CCR3: variants seen among roughly 807,000 people sequenced by gnomAD.
CCR3 encodes C-C chemokine receptor type 3.
For synonymous variants in CCR3, 203 were observed against 179.2 expected, an observed-to-expected ratio of 1.13 and a Z score of -1.06; for missense variants, 419 against 437.5, an observed-to-expected ratio of 0.96 and a Z score of 0.38.
intron 2 of CCR3, among the ~76,000 whole-genome samples, chr3:46,218,773 C>T (rs1699803170): frequency 6.6e-6 from 1 of 152,034 alleles, no homozygotes; most frequent in Non-Finnish European, 1.5e-5. Context: ...TGACAAAATC[C>T]AGTTTCCATT....
At chr3:46,219,283 T>C (rs569001326) in intron 2 of CCR3, among the ~76,000 whole-genome samples, 1 of 151,992 alleles carries the variant, frequency 6.6e-6, no homozygotes, top group East Asian at 1.9e-4. Context: ...ATCAAAGAGG[T>C]GAAAGATCTC....
intron 2 of CCR3, among the ~76,000 whole-genome samples, chr3:46,222,235 C>G (rs994674800): frequency 6.6e-6 from 1 of 152,148 alleles, no homozygotes; most frequent in East Asian, 1.9e-4. Context: ...TATGGCACAC[C>G]TAGGGCATTC....
intron 2 of CCR3, among the ~76,000 whole-genome samples, chr3:46,216,035 G>A (rs1047712857): frequency 6.6e-6 from 1 of 152,300 alleles, no homozygotes; most frequent in Non-Finnish European, 1.5e-5. Flanking sequence ...CCTGCCTATT[G>A]CTGATGGGAG....
At chr3:46,256,122 C>CT (rs1491342352) in intron 1 of CCR3, among the ~76,000 whole-genome samples, 1 of 151,896 alleles carries the variant, frequency 6.6e-6, no homozygotes, top group Non-Finnish European at 1.5e-5. Context: ...GTATTTTGAA[C>CT]TTTTTTTGTG....
At chr3:46,223,172 T>G (rs576215553) in intron 2 of CCR3, among the ~76,000 whole-genome samples, 2 of 152,192 alleles carry the variant, frequency 1.3e-5, no homozygotes, top group South Asian at 4.2e-4. Context: ...GCCAATGTGG[T>G]GAAACCCTGT....
At chr3:46,264,783 TA>T (rs771147657) in intron 1 of CCR3, 6 of 372,290 alleles carry the variant, frequency 1.6e-5, no homozygotes, top group Non-Finnish European at 2.9e-5. Flanking sequence ...CAAAATGCCG[TA>T]AGAGACAGTA....
intron 1 of CCR3, among the ~76,000 whole-genome samples, chr3:46,251,384 C>T (rs895162432): frequency 1.8e-4 from 28 of 151,718 alleles, no homozygotes; most frequent in Non-Finnish European, 2.4e-4. Flanking sequence ...TGAAGTGTGG[C>T]GCCAAGATTG....
intron 2 of CCR3, among the ~76,000 whole-genome samples, chr3:46,231,178 C>G (rs575535474): frequency 6.6e-6 from 1 of 152,322 alleles, no homozygotes; most frequent in South Asian, 2.1e-4. Context: ...CCTCCTTGGC[C>G]TCCCAGAGTG....
intron 2 of CCR3, among the ~76,000 whole-genome samples, chr3:46,236,932 G>A (rs1459759948): frequency 1.3e-5 from 2 of 152,212 alleles, no homozygotes; most frequent in Non-Finnish European, 2.9e-5. Context: ...GAGAAAGGAG[G>A]CAGCTGCCTC....
intron 1 of CCR3, among the ~76,000 whole-genome samples, chr3:46,246,280 C>T (rs1181947623): frequency 2.6e-5 from 4 of 152,170 alleles, no homozygotes; most frequent in East Asian, 1.9e-4. Flanking sequence ...TGCTTTTATG[C>T]GTGTCCGTGT....
chr3:46,240,600 A>G (rs1159259193), upstream of CCR3, among the ~76,000 whole-genome samples: 1 of 152,212 alleles, frequency 6.6e-6, no homozygotes, highest in African/African-American at 2.4e-5. Flanking sequence ...GAATCAGAGC[A>G]CAATATATTA....
chr3:46,261,253 G>T (rs183621691), intron 1 of CCR3, among the ~76,000 whole-genome samples: 77 of 152,180 alleles, frequency 5.1e-4, no homozygotes, highest in African/African-American at 1.7e-3. Context: ...GGCTCTAATA[G>T]GTAAGACATT....
chr3:46,249,579 G>A (rs553110987), intron 1 of CCR3, among the ~76,000 whole-genome samples: 8 of 152,304 alleles, frequency 5.3e-5, no homozygotes, highest in Middle Eastern at 3.4e-3. Flanking sequence ...GTCTTCAGCC[G>A]CTAAGCCAAG....
At chr3:46,230,671 G>T (rs1542756) in intron 2 of CCR3, among the ~76,000 whole-genome samples, 11,198 of 152,058 alleles carry the variant, frequency 0.074, 644 homozygotes, top group South Asian at 0.25. Flanking sequence ...CTTAGCAGAG[G>T]GCCCAGCCCC....
At chr3:46,214,755 G>A (rs1575483007) in intron 2 of CCR3, among the ~76,000 whole-genome samples, 2 of 152,188 alleles carry the variant, frequency 1.3e-5, no homozygotes, top group East Asian at 3.9e-4. Flanking sequence ...GGTAATGGAT[G>A]CTGCAGGGCA....
intron 2 of CCR3, among the ~76,000 whole-genome samples, chr3:46,224,080 C>A (rs1359679614): frequency 1.3e-5 from 2 of 152,084 alleles, no homozygotes; most frequent in Admixed American, 6.5e-5. Context: ...AGAAAAGGAC[C>A]AATGGCCTCT....
chr3:46,218,507 C>T (rs1343583515), intron 2 of CCR3, among the ~76,000 whole-genome samples: 1 of 151,918 alleles, frequency 6.6e-6, no homozygotes, highest in Non-Finnish European at 1.5e-5. Flanking sequence ...ATACCAAAAC[C>T]AGGAAATGAC....
intron 2 of CCR3, among the ~76,000 whole-genome samples, chr3:46,217,854 T>A (rs933247067): frequency 6.6e-5 from 10 of 151,228 alleles, no homozygotes; most frequent in African/African-American, 2.4e-4. Context: ...AACCCCTACA[T>A]CAAAAAGTCT....
chr3:46,217,158 A>T (rs1699785421), intron 2 of CCR3, among the ~76,000 whole-genome samples: 1 of 152,234 alleles, frequency 6.6e-6, no homozygotes, highest in African/African-American at 2.4e-5. Context: ...AAGCAATAGT[A>T]GCTATTCTTA....
Sources: allele counts gnomAD v4.1 joint callset (sites outside exome capture counted in the v4.1 genomes callset), GRCh38; gene constraint gnomAD v4.1.1; transcripts MANE v1.5; gene names NCBI Gene and HGNC (gene_info 2026-07-23, HGNC 2026-07-21).